The following BORA variants were observed in gnomAD, a reference collection of about 807,000 sequenced individuals.
BORA encodes the protein protein aurora borealis.
In BORA, 26 loss-of-function variants were observed where a neutral mutation model predicts 55.8. The ratio of observed to expected loss-of-function variants is 0.47; its 90% CI spans 0.34 to 0.65. The LOEUF is 0.65. BORA is among the 30% of genes least tolerant of loss of function. The pLI is 0.01. For missense variants in BORA, 568 were observed against 671.5 expected (o/e 0.85, Z 1.70); for synonymous variants, 201 against 216.9 (o/e 0.93, Z 0.64).
intron 5 of BORA, among the ~76,000 whole-genome samples, chr13:72,740,624 A>G (rs1347504201): frequency 1.3e-5 from 2 of 152,218 alleles, no homozygotes; most frequent in African/African-American, 2.4e-5. Flanking sequence ...AAAGGATTCA[A>G]TAATAAATAC....
At position 72,735,016 on chromosome 13, in the gene BORA, C is replaced by G. The variant is rs185339074; in HGVS notation, c.306+11C>G. On this transcript the variant is annotated intron_variant, in intron 4 of 11. Transcript: ENST00000390667. ...AAAGCCATTGAAGAGGTAACTTAAA[C>G]TGTTACTGATCATTAAATCAGTTAA... 4 of 1,579,416 alleles carry G rather than the reference C, an allele frequency of 2.5e-6. No individual in the cohort carries two copies. Among genetic ancestry groups the G allele is most frequent in the Non-Finnish European group, 8.7e-7 (1 of 1,149,360 alleles).
chr13:72,729,577 T>A (rs1299581502), intron 2 of BORA, among the ~76,000 whole-genome samples: 1 of 152,186 alleles, frequency 6.6e-6, no homozygotes, highest in East Asian at 1.9e-4. Flanking sequence ...CAGTAAATAT[T>A]TAAGCTTTAC....
At position 72,755,939 on chromosome 13, in the gene BORA, A is replaced by G; in HGVS notation, c.*723A>G. ...CAAACGTGGGTAGGGATGTGGGAGA[A>G]TAAGAATGTGGGAGAACCAAGAGAA... On this transcript the variant is annotated 3_prime_UTR_variant, in exon 12 of 12. Coordinates refer to ENST00000390667, the MANE Select transcript of BORA (RefSeq NM_024808.5). 5.0e-6 allele frequency: 2 copies of G among 398,632 alleles called. No homozygotes were observed. The highest frequency in any genetic ancestry group is 3.6e-5 in the East Asian group (1 of 28,072). The allele number at this position is 398,632 out of a possible 1,614,324, so 24.7% of individuals were successfully genotyped here.
intron 10 of BORA, among the ~76,000 whole-genome samples, 173 bp downstream of exon 10, chr13:72,747,284 T>A (rs891773611): frequency 2.0e-5 from 3 of 152,120 alleles, no homozygotes; most frequent in Admixed American, 1.3e-4. Flanking sequence ...TTATTTTAAT[T>A]ATGACAGATA....
At chr13:72,739,180 T>A (rs1452496946) in intron 5 of BORA, among the ~76,000 whole-genome samples, 1 of 152,222 alleles carries the variant, frequency 6.6e-6, no homozygotes, top group Admixed American at 6.5e-5. Context: ...GGCATTCTCA[T>A]AGATACTAGT....
In BORA at chr13:72,743,584, C is replaced by T; in HGVS notation, c.436C>T (p.His146Tyr). The T allele has an allele frequency of 6.2e-7, 1 of 1,608,118 alleles. No individual in the cohort carries two copies. Among genetic ancestry groups the T allele is most frequent in the African/African-American group, 1.4e-5 (1 of 72,530 alleles). ...DSPVGKKLTIHSEKSDAACQT... is the reference protein window; with the variant it reads ...DSPVGKKLTIYSEKSDAACQT... ...TCCAGTTGGAAAAAAGCTGACCATT[C>T]ATTCTGAGAAAAGCGATGGTGAGTA... The change falls in exon 6 of 12, where the codon CAT (histidine) becomes TAT (tyrosine). Residue 146 changes from histidine (H) to tyrosine (Y), a missense_variant. Coordinates refer to ENST00000390667, the MANE Select transcript of BORA (RefSeq NM_024808.5).
intron 2 of BORA, 62 bp from the exon 3 acceptor site, chr13:72,731,219 T>G: frequency 1.1e-6 from 1 of 933,140 alleles, no homozygotes; most frequent in Non-Finnish European, 1.7e-6. Flanking sequence ...CTCACATAGG[T>G]TAGCATTTTG....
chr13:72,728,587 G>A (rs564853760), intron 1 of BORA, among the ~76,000 whole-genome samples: 8 of 152,328 alleles, frequency 5.3e-5, no homozygotes, highest in Non-Finnish European at 1.2e-4. Flanking sequence ...CTTTAGTTGA[G>A]AAGAGATCTG....
At position 72,745,052 on chromosome 13, in the gene BORA, A is replaced by G. The variant is rs2033112512; in HGVS notation, c.583A>G (p.Lys195Glu). 2.5e-6 allele frequency: 4 copies of G among 1,614,032 alleles called. No homozygotes were observed. Among genetic ancestry groups the G allele is most frequent in the Non-Finnish European group, 3.4e-6 (4 of 1,179,990 alleles). Residue 195 changes from lysine to glutamate, a missense_variant, in exon 8 of 12, where the codon AAG (lysine) becomes GAG (glutamate). Coordinates refer to ENST00000390667, the MANE Select transcript of BORA (RefSeq NM_024808.5). ...CCTCAGTTCTTCATCCCTCAGAAGA[A>G]AGCTGTTTTTAGATGGGAACGGAAG... ...GNLSSSSLRR[K>E]LFLDGNGSIS...
intron 4 of BORA, among the ~76,000 whole-genome samples, chr13:72,736,848 ACTC>A (rs956248786): frequency 2.1e-5 from 3 of 141,838 alleles, no homozygotes; most frequent in Admixed American, 7.6e-5. Flanking sequence ...AATTTGTTCT[ACTC>A]CTATTACTTT....
At chr13:72,746,425 A>T in intron 9 of BORA, 76 bp from the exon 10 acceptor site, 1 of 1,471,768 alleles carries the variant, frequency 6.8e-7, no homozygotes, top group Non-Finnish European at 9.1e-7. Flanking sequence ...GGCATGAAAC[A>T]TGATTACCAT....
intron 5 of BORA, among the ~76,000 whole-genome samples, chr13:72,741,303 A>G (rs2033028707): frequency 6.6e-6 from 1 of 152,232 alleles, no homozygotes; most frequent in Non-Finnish European, 1.5e-5. Flanking sequence ...TGCCCTTGGC[A>G]TTATCCAGCT....
At chr13:72,744,330 A>G (rs185082338) in intron 6 of BORA, among the ~76,000 whole-genome samples, 175 bp from the exon 7 acceptor site, 4 of 152,322 alleles carry the variant, frequency 2.6e-5, no homozygotes, top group African/African-American at 9.6e-5. Context: ...GAGTGTGGGA[A>G]ACCACTTCTA....
chr13:72,734,819 C>T lies in BORA; in HGVS notation c.261-141C>T. On this transcript the variant is annotated intron_variant, in intron 3 of 11. Transcript: ENST00000390667. ...AAATGTTACTAAATGTTACAAGATA[C>T]CACTAGTATTAATTATAAAGTGAGC... is the stretch of plus-strand genomic sequence containing the variant. 3 of 579,686 alleles carry T rather than the reference C, an allele frequency of 5.2e-6. No homozygotes were observed. The South Asian group carries it at 7.0e-5, about 14-fold the overall frequency. 35.9% of individuals were successfully genotyped at this position (579,686 alleles called of 1,614,324 possible).
chr13:72,752,052 T>C (rs1489916159), intron 10 of BORA: 3 of 152,120 alleles, frequency 2.0e-5, no homozygotes, highest in African/African-American at 4.8e-5. Context: ...TGACATCTGA[T>C]TTATGTGGTA....
chr13:72,737,988 C>T lies in BORA; in HGVS notation c.333C>T (p.Pro111=). The part of the protein sequence containing the change: ...EEFFTKDVIV[P]SPWTDHEGKQ... ...TTTTCACTAAAGATGTCATCGTACC[C>T]TCTCCTTGGACTGATCATGAAGGGA... The change falls in exon 5 of 12, where the codon CCC becomes CCT. Residue 111 remains proline, a synonymous_variant. Transcript: ENST00000390667. 1 of 1,595,964 alleles carries T rather than the reference C, an allele frequency of 6.3e-7. No homozygotes were observed. The highest frequency in any genetic ancestry group is 8.6e-7 in the Non-Finnish European group (1 of 1,169,126).
chr13:72,753,599 G>T, intron 10 of BORA, 91 bp from the exon 11 acceptor site: 1 of 1,254,894 alleles, frequency 8.0e-7, no homozygotes, highest in Non-Finnish European at 1.1e-6. Flanking sequence ...TCATTCAGAT[G>T]TAGTGAATGA....
At chr13:72,752,033 A>G (rs893954809) in intron 10 of BORA, 1 of 152,198 alleles carries the variant, frequency 6.6e-6, no homozygotes, top group South Asian at 2.1e-4. Flanking sequence ...TGAAAGTTTT[A>G]AAAGACAATG....
chr13:72,743,019 G>A (rs1348778215), intron 5 of BORA, among the ~76,000 whole-genome samples: 2 of 152,122 alleles, frequency 1.3e-5, no homozygotes, highest in African/African-American at 2.4e-5. Flanking sequence ...GGGAGGAGGG[G>A]TGGTGGGGGA....
Sources: gnomAD v4.1 joint callset for allele counts (sites outside exome capture counted in the v4.1 genomes callset) on GRCh38, gnomAD v4.1.1 for gene constraint, MANE v1.5 for transcripts, NCBI Gene and HGNC (gene_info 2026-07-23, HGNC 2026-07-21) for gene names.